Variants in DPY30 observed in about 807,000 individuals in gnomAD.
DPY30 encodes dpy-30 histone methyltransferase complex regulatory subunit, also known as protein dpy-30 homolog.
A neutral mutation model predicts 16.2 loss-of-function variants in DPY30; 6 were observed. That is an observed-to-expected ratio of 0.37 (90% CI 0.20 to 0.73). The LOEUF (loss-of-function observed/expected upper bound fraction) is 0.73. Ranked by LOEUF, DPY30 falls within the 30% of genes least tolerant of loss-of-function variation. DPY30 has a pLI of 0.51. For missense variants in DPY30, 73 were observed against 113.1 expected (o/e 0.65, Z 1.61); for synonymous variants, 39 against 38.8 (o/e 1.00, Z -0.02).
downstream of DPY30, among the ~76,000 whole-genome samples, chr2:32,020,355 T>TA (rs1002866550): frequency 6.6e-6 from 1 of 150,858 alleles, no homozygotes; most frequent in Admixed American, 6.6e-5. Context: ...AAGCTTCAAA[T>TA]AAAAAAAAAT....
downstream of DPY30, among the ~76,000 whole-genome samples, chr2:32,022,556 C>T (rs891171711): frequency 6.6e-6 from 1 of 151,086 alleles, no homozygotes; most frequent in Admixed American, 6.6e-5. Flanking sequence ...CTCACTCTGT[C>T]GCCCAGGCTG....
chr2:32,016,210 A>C (rs1394707464), intron 5 of DPY30, among the ~76,000 whole-genome samples: 1 of 152,178 alleles, frequency 6.6e-6, no homozygotes, highest in Non-Finnish European at 1.5e-5. Context: ...AAGGCTGGCA[A>C]GGTTTTTTAA....
intron 3 of DPY30, among the ~76,000 whole-genome samples, chr2:32,033,423 A>G (rs1675618269): frequency 6.6e-6 from 1 of 152,280 alleles, no homozygotes; most frequent in Admixed American, 6.5e-5. Flanking sequence ...CTGTAATCCC[A>G]GCACTTTGGG....
At chr2:32,036,576 C>T (rs556111985) in intron 3 of DPY30, among the ~76,000 whole-genome samples, 2 of 150,526 alleles carry the variant, frequency 1.3e-5, no homozygotes, top group South Asian at 4.2e-4. Flanking sequence ...GAGGCTGAGG[C>T]AGGAGAATGG....
downstream of DPY30, chr2:32,023,792 C>T (rs1437927769): frequency 2.4e-5 from 31 of 1,306,688 alleles, no homozygotes; most frequent in Admixed American, 9.2e-5. Flanking sequence ...GCTGTATTTT[C>T]TCTCTGTTGT....
intron 4 of DPY30, among the ~76,000 whole-genome samples, chr2:32,025,188 A>G (rs11899296): frequency 0.16 from 24,115 of 152,152 alleles, 2,224 homozygotes; most frequent in Middle Eastern, 0.27. Context: ...ATTTGGGGCC[A>G]GGCGCAGTGG....
chr2:32,038,028 T>C (rs1404237772), intron 3 of DPY30, among the ~76,000 whole-genome samples: 1 of 152,002 alleles, frequency 6.6e-6, no homozygotes, highest in Non-Finnish European at 1.5e-5. Flanking sequence ...CCAGAGAAGT[T>C]CAGTAACTTG....
At position 32,039,464 on chromosome 2, in the gene DPY30, C is replaced by T; in HGVS notation, c.-8G>A. 6.2e-7 allele frequency: 1 copy of T among 1,614,056 alleles called. No homozygotes were observed. Among genetic ancestry groups the T allele is most frequent in the Non-Finnish European group, 8.5e-7 (1 of 1,180,026 alleles). On this transcript the variant is annotated 5_prime_UTR_variant, in exon 2 of 5. Coordinates refer to ENST00000342166, the MANE Select transcript of DPY30 (RefSeq NM_001321209.2). The stretch of plus-strand genomic sequence containing the variant: ...CATCTGCTCTGGCTCCATGGCGGAC[C>T]CTGCAAGTCACAGTCCCCGGATACC...
rs540448482 is a variant in DPY30, at chr2:32,014,215, G to C, written n.378-2163C>G. 1.4e-4 allele frequency among the ~76,000 whole-genome samples: 21 copies of C among 152,244 alleles called. No individual in the cohort carries two copies. In the South Asian group the frequency reaches 3.5e-3, roughly 26 times the overall value. On this transcript the variant is annotated intron_variant and non_coding_transcript_variant, in intron 5 of 5. Coordinates refer to the DPY30 transcript ENST00000414013. ...AAGAATGAAGTGGCTGGGCACAGTG[G>C]CTCATGCCTGTAATCCCAGCACTTT...
chr2:32,036,282 A>AT (rs1196507557), intron 3 of DPY30, among the ~76,000 whole-genome samples: 3 of 151,864 alleles, frequency 2.0e-5, no homozygotes, highest in Non-Finnish European at 4.4e-5. Context: ...ATGGCAAAGT[A>AT]TTTTTTTTAA....
chr2:32,032,868 C>T lies in DPY30; in HGVS notation c.85-3132G>A, dbSNP rs577336075. Among the ~76,000 whole-genome samples, 13 of 151,954 alleles carry T rather than the reference C, an allele frequency of 8.6e-5. No homozygotes were observed. In the South Asian group the frequency reaches 2.3e-3, roughly 27 times the overall value. ...AAACTTATCTGGGCATGGTGGCAGG[C>T]GCCAGTAATCCCAGCTATTCAGGAG... On this transcript the variant is annotated intron_variant, in intron 3 of 4. Coordinates refer to ENST00000342166, the MANE Select transcript of DPY30 (RefSeq NM_001321209.2).
In DPY30 at chr2:32,024,275, C is replaced by T. The variant is rs1032600720; in HGVS notation, c.228-19G>A. 6 of 1,542,398 alleles carry T rather than the reference C, an allele frequency of 3.9e-6. No homozygotes were observed. Among genetic ancestry groups the T allele is most frequent in the Non-Finnish European group, 4.5e-6 (5 of 1,119,452 alleles). ...TGGTGGTCTGTAAGGGAAAAGAAAT[C>T]CAAAGTTTAGAAATATATTTCCTAG... On this transcript the variant is annotated intron_variant, in intron 4 of 4. Transcript: ENST00000342166.
Position 32,039,298 on chromosome 2 carries a change from C to A in DPY30, c.65G>T (p.Gly22Val). ...QVAENPHSEY[G>V]LTDNVERIVE... is the part of the protein sequence containing the mutation. ...AGTTACCTCAACGTTGTCTGTGAGA[C>A]CGTACTCAGAGTGAGGATTTTCTGC... Residue 22 changes from glycine to valine, a missense_variant, in exon 3 of 5, where the codon GGT (glycine) becomes GTT (valine). Coordinates refer to ENST00000342166, the MANE Select transcript of DPY30 (RefSeq NM_001321209.2). The A allele has an allele frequency of 1.2e-6, 2 of 1,614,178 alleles. No homozygotes were observed. Among genetic ancestry groups the A allele is most frequent in the Non-Finnish European group, 1.7e-6 (2 of 1,180,048 alleles).
intron 4 of DPY30, among the ~76,000 whole-genome samples, chr2:32,028,973 T>G (rs1456234453): frequency 6.6e-6 from 1 of 151,424 alleles, no homozygotes; most frequent in African/African-American, 2.4e-5. Context: ...CAAAAAAAAA[T>G]AAGAATAATA....
At chr2:32,019,961 C>CAT (rs201249564), downstream of DPY30, among the ~76,000 whole-genome samples, 801 of 146,538 alleles carry the variant, frequency 5.5e-3, 10 homozygotes, top group Admixed American at 0.03. Flanking sequence ...AAAACATATA[C>CAT]ATATATATAT....
chr2:32,039,727 GA>G lies in DPY30; in HGVS notation c.-37+5del, dbSNP rs767710549. ...GTGAGAAAGTGGGGGAAAGGGAGCTGATTACCCGCGCCCAAGCCGTTCGTTC... is the reference window on the plus strand; with the variant it reads ...GTGAGAAAGTGGGGGAAAGGGAGCTGTTACCCGCGCCCAAGCCGTTCGTTC... On this transcript the variant is annotated splice_donor_5th_base_variant and intron_variant, in intron 1 of 4. Coordinates refer to ENST00000342166, the MANE Select transcript of DPY30 (RefSeq NM_001321209.2). 19 of 564,766 alleles carry G rather than the reference GA, an allele frequency of 3.4e-5. No homozygotes were observed. The highest frequency in any genetic ancestry group is 5.4e-5 in the Non-Finnish European group (17 of 316,232). 35.0% of individuals were successfully genotyped at this position (564,766 alleles called of 1,614,324 possible).
At chr2:32,016,919 GTCAC>G (rs1675076764) in intron 5 of DPY30, among the ~76,000 whole-genome samples, 1 of 152,016 alleles carries the variant, frequency 6.6e-6, no homozygotes. Context: ...GTGTCATTCT[GTCAC>G]CCAGGCTGGA....
At chr2:32,030,769 A>G (rs1311392957) in intron 3 of DPY30, among the ~76,000 whole-genome samples, 1 of 152,102 alleles carries the variant, frequency 6.6e-6, no homozygotes, top group African/African-American at 2.4e-5. Context: ...ACTGTACTCT[A>G]GCCTGACCGA....
intron 3 of DPY30, among the ~76,000 whole-genome samples, chr2:32,035,438 C>G (rs962831222): frequency 1.3e-5 from 2 of 150,992 alleles, no homozygotes; most frequent in African/African-American, 4.9e-5. Context: ...CTCATCTCTA[C>G]TAAAATACAA....
Sources: allele counts gnomAD v4.1 joint callset (sites outside exome capture counted in the v4.1 genomes callset), GRCh38; gene constraint gnomAD v4.1.1; transcripts MANE v1.5; gene names NCBI Gene and HGNC (gene_info 2026-07-23, HGNC 2026-07-21).